The following TRAPPC9 variants were observed in gnomAD, a reference collection of about 807,000 sequenced individuals.
The protein encoded by TRAPPC9 is trafficking protein particle complex subunit 9, also known as IKK2 binding protein.
In TRAPPC9, 83 loss-of-function variants were observed where a neutral mutation model predicts 124.0. That is an observed-to-expected ratio of 0.67 (90% confidence interval 0.56 to 0.80). TRAPPC9 has a LOEUF of 0.80. Among genes scored for constraint, TRAPPC9 ranks in the 30% least tolerant of loss-of-function variants. The probability of loss-of-function intolerance (pLI) is 0.00; values close to 1 mark genes in which losing one functional copy is unlikely to be tolerated. For synonymous variants in TRAPPC9, 638 were observed against 617.5 expected (o/e 1.03, Z -0.49); for missense variants, 1,302 against 1,508.3 (o/e 0.86, Z 2.27).
At chr8:139,834,558 G>A (rs921196950) in intron 21 of TRAPPC9, among the ~76,000 whole-genome samples, 1 of 152,362 alleles carries the variant, frequency 6.6e-6, no homozygotes, top group South Asian at 2.1e-4. Flanking sequence ...CAGGGAAGCC[G>A]CCCTCCATGA....
At chr8:140,227,305 C>G (rs1165719071) in intron 16 of TRAPPC9, among the ~76,000 whole-genome samples, 1 of 152,114 alleles carries the variant, frequency 6.6e-6, no homozygotes, top group Non-Finnish European at 1.5e-5. Context: ...TCTGCCAACA[C>G]AGGCTATCAC....
intron 18 of TRAPPC9, among the ~76,000 whole-genome samples, chr8:140,023,674 G>A (rs1839948723): frequency 2.0e-5 from 3 of 152,190 alleles, no homozygotes; most frequent in African/African-American, 4.8e-5. Flanking sequence ...AGAACCACAC[G>A]TAGGAATGCT....
At chr8:139,965,565 A>G (rs1052088110) in intron 19 of TRAPPC9, among the ~76,000 whole-genome samples, 2 of 152,234 alleles carry the variant, frequency 1.3e-5, no homozygotes, top group African/African-American at 4.8e-5. Flanking sequence ...TCAAGAACAA[A>G]GAACAAAGGT....
intron 17 of TRAPPC9, among the ~76,000 whole-genome samples, chr8:140,054,437 G>A (rs1019457798): frequency 6.6e-6 from 1 of 152,120 alleles, no homozygotes; most frequent in East Asian, 1.9e-4. Flanking sequence ...AGAGAAGTCT[G>A]TGGCAATAAA....
At chr8:139,898,745 C>A (rs113327208) in intron 20 of TRAPPC9, among the ~76,000 whole-genome samples, 1 of 152,138 alleles carries the variant, frequency 6.6e-6, no homozygotes, top group Non-Finnish European at 1.5e-5. Flanking sequence ...TGTCATACCC[C>A]GCTCTCTCCA....
intron 17 of TRAPPC9, among the ~76,000 whole-genome samples, chr8:140,124,704 G>GGGGGATGACCCTCATA (rs1739791007): frequency 7.0e-6 from 1 of 143,222 alleles, no homozygotes; most frequent in Non-Finnish European, 1.5e-5. Flanking sequence ...AGACCCTCGC[G>GGGGGATGACCCTCATA]GGGGAGGACC....
intron 17 of TRAPPC9, among the ~76,000 whole-genome samples, chr8:140,028,022 C>G (rs954887102): frequency 8.5e-5 from 13 of 152,154 alleles, no homozygotes; most frequent in Admixed American, 8.5e-4. Flanking sequence ...CTAACCACAT[C>G]AAAAGGTTTT....
At chr8:140,093,794 CT>C (rs1844736818) in intron 17 of TRAPPC9, among the ~76,000 whole-genome samples, 1 of 152,202 alleles carries the variant, frequency 6.6e-6, no homozygotes, top group Admixed American at 6.5e-5. Context: ...ACAAAGGTGC[CT>C]GCTTGAGGTC....
At chr8:140,322,273 A>G (rs1285866473) in intron 9 of TRAPPC9, among the ~76,000 whole-genome samples, 1 of 152,132 alleles carries the variant, frequency 6.6e-6, no homozygotes. Flanking sequence ...AGAAGGTCAA[A>G]TCCTGACCAA....
At chr8:139,735,213 G>C (rs903458941) in intron 21 of TRAPPC9, among the ~76,000 whole-genome samples, 3 of 152,170 alleles carry the variant, frequency 2.0e-5, no homozygotes, top group Non-Finnish European at 4.4e-5. Flanking sequence ...ACACCTCCTG[G>C]GCCTCCGTTT....
At chr8:140,310,697 G>C (rs1192465117) in intron 10 of TRAPPC9, among the ~76,000 whole-genome samples, 1 of 152,094 alleles carries the variant, frequency 6.6e-6, no homozygotes, top group Non-Finnish European at 1.5e-5. Context: ...CAGGGAGCTC[G>C]CCTCTCAGGA....
intron 17 of TRAPPC9, among the ~76,000 whole-genome samples, chr8:140,125,775 T>C (rs1025801169): frequency 6.6e-6 from 1 of 151,824 alleles, no homozygotes; most frequent in African/African-American, 2.4e-5. Flanking sequence ...TTTTGTACTT[T>C]AGTGAGACGG....
chr8:140,208,436 T>C (rs1216698774), intron 17 of TRAPPC9, among the ~76,000 whole-genome samples: 1 of 152,222 alleles, frequency 6.6e-6, no homozygotes, highest in Non-Finnish European at 1.5e-5. Flanking sequence ...TGGGGGCTTA[T>C]TCTACATGCA....
At chr8:140,346,147 C>A (rs1291211829) in intron 9 of TRAPPC9, among the ~76,000 whole-genome samples, 2 of 152,210 alleles carry the variant, frequency 1.3e-5, no homozygotes, top group Admixed American at 6.5e-5. Flanking sequence ...AGAAACCGAG[C>A]CTTCGACCTA....
intron 19 of TRAPPC9, among the ~76,000 whole-genome samples, chr8:139,977,853 G>GTA (rs1836591108): frequency 6.6e-6 from 1 of 151,258 alleles, no homozygotes; most frequent in African/African-American, 2.4e-5. Context: ...GCTAATTTTT[G>GTA]TATCTTTAGT....
intron 9 of TRAPPC9, among the ~76,000 whole-genome samples, chr8:140,349,280 G>GC (rs1266548767): frequency 0.016 from 1,433 of 89,990 alleles, 14 homozygotes; most frequent in Non-Finnish European, 0.024. Context: ...GGGGGCGCAC[G>GC]AAGGAAGGGC....
intron 5 of TRAPPC9, among the ~76,000 whole-genome samples, chr8:140,420,835 A>C (rs1191537926): frequency 3.3e-5 from 5 of 152,354 alleles, no homozygotes; most frequent in African/African-American, 1.2e-4. Flanking sequence ...AACATATAAA[A>C]ACAAATTCAT....
Position 140,087,469 on chromosome 8 carries a change from T to C in TRAPPC9, c.2557-63390A>G, listed in dbSNP as rs546399022. ...ACAGCCCCGCTGAAGAGCCGAACGG[T>C]GCTCACACATGACTCGCCTGAAGAA... On this transcript the variant is annotated intron_variant, in intron 17 of 22. Coordinates refer to ENST00000438773, the MANE Select transcript of TRAPPC9 (RefSeq NM_001160372.4). This position sits in a 1 kb window ranked among gnomAD's most constrained non-coding sequence, Gnocchi z 4.6. 6.6e-6 allele frequency among the ~76,000 whole-genome samples: 1 copy of C among 152,168 alleles called. No individual in the cohort carries two copies. Among genetic ancestry groups the C allele is most frequent in the Non-Finnish European group, 1.5e-5 (1 of 68,038 alleles).
intron 17 of TRAPPC9, among the ~76,000 whole-genome samples, chr8:140,209,359 A>ATC (rs1207655133): frequency 3.9e-5 from 6 of 152,228 alleles, no homozygotes; most frequent in African/African-American, 1.4e-4. Context: ...AATGGATTAC[A>ATC]TGAAATGTCA....
Sources: allele counts gnomAD v4.1 joint callset (sites outside exome capture counted in the v4.1 genomes callset), GRCh38; gene constraint gnomAD v4.1.1; non-coding constraint Gnocchi (gnomAD v3.1); transcripts MANE v1.5; gene names NCBI Gene and HGNC (gene_info 2026-07-23, HGNC 2026-07-21).